Variants in EPS15 observed in about 807,000 individuals in gnomAD.
EPS15 encodes epidermal growth factor receptor substrate 15.
A neutral mutation model predicts 113.8 loss-of-function variants in EPS15; 72 were observed. The ratio of observed to expected loss-of-function variants is 0.63; its 90% CI spans 0.52 to 0.77. The LOEUF (loss-of-function observed/expected upper bound fraction) is 0.77, where lower values mean the gene tolerates loss of function less well. Among genes scored for constraint, EPS15 ranks in the 30% least tolerant of loss-of-function variants. The pLI, the probability that EPS15 is intolerant of heterozygous loss-of-function variation, is 0.00. For synonymous variants in EPS15, 344 were observed against 363.4 expected (o/e 0.95, Z 0.61); for missense variants, 1,048 against 1,045.8 (o/e 1.00, Z -0.03).
chr1:51,402,100 G>A (rs555386055), intron 18 of EPS15, among the ~76,000 whole-genome samples: 3 of 152,306 alleles, frequency 2.0e-5, no homozygotes, highest in Non-Finnish European at 4.4e-5. Flanking sequence ...TTGTGCCACT[G>A]CACTCCAGCC....
chr1:51,429,800 G>C (rs1187698515), intron 12 of EPS15, among the ~76,000 whole-genome samples: 2 of 151,934 alleles, frequency 1.3e-5, no homozygotes, highest in African/African-American at 4.8e-5. Context: ...ACAGGCATCC[G>C]CCACCACGCC....
rs144786749 is a variant in EPS15 at position 51,467,559 on chromosome 1, G to T, written c.309+914C>A. ...AAAACTTAATAAGCTACTTATAAAAGGTATAGAATTATGTGCATAGCAGGA... is the reference window on the plus strand; with the variant it reads ...AAAACTTAATAAGCTACTTATAAAATGTATAGAATTATGTGCATAGCAGGA... On this transcript the variant is annotated intron_variant, in intron 5 of 24. Coordinates refer to ENST00000371733, the MANE Select transcript of EPS15 (RefSeq NM_001981.3). 1.1e-3 allele frequency among the ~76,000 whole-genome samples: 163 copies of T among 152,246 alleles called. 1 individual carries two copies. The highest frequency in any genetic ancestry group is 3.9e-3 in the African/African-American group (161 of 41,542).
chr1:51,443,368 G>A (rs773451427), intron 11 of EPS15, among the ~76,000 whole-genome samples: 14 of 151,376 alleles, frequency 9.2e-5, no homozygotes, highest in South Asian at 2.1e-4. Flanking sequence ...CCATAACTGA[G>A]GTACAGTTAT....
chr1:51,377,129 G>A lies in EPS15; in HGVS notation c.2120-11100C>T, dbSNP rs144181687. Among the ~76,000 whole-genome samples the A allele has an allele frequency of 7.0e-3, 1,067 of 152,232 alleles. 7 individuals carry two copies. The highest frequency in any genetic ancestry group is 0.025 in the African/African-American group (1,022 of 41,546). ...TAAAAATACAAAAAATTAGCTGAGC[G>A]TGGTGGCGGGCGTAATCTCAGCTAC... On this transcript the variant is annotated intron_variant, in intron 21 of 24. Coordinates refer to ENST00000371733, the MANE Select transcript of EPS15 (RefSeq NM_001981.3).
chr1:51,509,575 C>T (rs1644582640), intron 1 of EPS15, among the ~76,000 whole-genome samples: 1 of 152,206 alleles, frequency 6.6e-6, no homozygotes, highest in East Asian at 1.9e-4. Context: ...TTATCTTTAG[C>T]AATACAATAC....
At chr1:51,401,030 C>T in intron 18 of EPS15, 77 bp from the exon 19 acceptor site, 1 of 899,156 alleles carries the variant, frequency 1.1e-6, no homozygotes, top group Non-Finnish European at 1.7e-6. Context: ...GAGTAACTTT[C>T]AAACAAAAGC....
rs529243716 is a variant in EPS15 at position 51,423,290 on chromosome 1, G to A, written c.1041-1432C>T. On this transcript the variant is annotated intron_variant, in intron 12 of 24. Transcript: ENST00000371733. ...ACCATGAGAATCATTGTTGCAGCCC[G>A]ATCCTTCCATACCTCAACCTATTTA... is the stretch of plus-strand genomic sequence containing the variant. 33 of 1,286,658 alleles carry A rather than the reference G, an allele frequency of 2.6e-5. No homozygotes were observed. The East Asian group carries it at 5.0e-4, about 19-fold the overall frequency. The allele number at this position is 1,286,658 out of a possible 1,614,324, so 79.7% of individuals were successfully genotyped here.
chr1:51,431,194 A>G (rs191445484), intron 12 of EPS15, among the ~76,000 whole-genome samples: 3 of 152,162 alleles, frequency 2.0e-5, no homozygotes, highest in African/African-American at 7.2e-5. Flanking sequence ...ATTAAAGATA[A>G]ATTCTGTGAA....
chr1:51,518,697 G>C (rs1266694887), intron 1 of EPS15, among the ~76,000 whole-genome samples: 2 of 152,142 alleles, frequency 1.3e-5, no homozygotes, highest in African/African-American at 2.4e-5. Context: ...GACTGGCTTG[G>C]GGGGCCTGCG....
At chr1:51,422,175 A>G (rs1283637104) in intron 12 of EPS15, 19 of 498,042 alleles carry the variant, frequency 3.8e-5, no homozygotes, top group Non-Finnish European at 5.1e-5. Context: ...ATAGTGTCCA[A>G]TGAAAATTGC....
Position 51,421,818 on chromosome 1 carries a change from C to T in EPS15, c.1081G>A (p.Asp361Asn), listed in dbSNP as rs1219517404. Residue 361 changes from aspartate (D) to asparagine (N), a missense_variant, in exon 13 of 25, where the codon GAT becomes AAT. By Grantham distance (23) the Asp-to-Asn change is conservative (BLOSUM62 1). Coordinates refer to ENST00000371733, the MANE Select transcript of EPS15 (RefSeq NM_001981.3). ...NVEQDLKEKE[D>N]TIKQRTSEVQ... ...TCACTTGTCCTCTGTTTAATAGTATCTTCCTTCTCCTTAAGGTCCTGTTCC... is the reference window on the plus strand; with the variant it reads ...TCACTTGTCCTCTGTTTAATAGTATTTTCCTTCTCCTTAAGGTCCTGTTCC... 1 of 1,607,752 alleles carries T rather than the reference C, an allele frequency of 6.2e-7. No homozygotes were observed. Among genetic ancestry groups the T allele is most frequent in the Non-Finnish European group, 8.5e-7 (1 of 1,176,630 alleles).
chr1:51,415,584 G>C (rs912767184), intron 13 of EPS15, among the ~76,000 whole-genome samples: 2 of 151,644 alleles, frequency 1.3e-5, no homozygotes, highest in Non-Finnish European at 2.9e-5. Flanking sequence ...ATCACCTGAG[G>C]TCAGAAGTTC....
chr1:51,403,660 C>T, intron 16 of EPS15, 128 bp from the exon 17 acceptor site: 1 of 522,054 alleles, frequency 1.9e-6, no homozygotes, highest in East Asian at 3.3e-5. Context: ...CAAATAACTT[C>T]TCCTTCTATA....
rs764634078 is a variant in EPS15, at chr1:51,394,432, G to C, written c.2068C>G (p.His690Asp). ...SSITSVETLK[H>D]NDPFAPGGTV... is the part of the protein sequence containing the mutation. ...CCACCAGGAGCAAAAGGATCATTGTGCTTCAACGTTTCTACCTAAACAAAG... is the reference window on the plus strand; with the variant it reads ...CCACCAGGAGCAAAAGGATCATTGTCCTTCAACGTTTCTACCTAAACAAAG... The change falls in exon 21 of 25, where the codon CAC (histidine) becomes GAC (aspartate). Residue 690 changes from histidine to aspartate, a missense_variant. By Grantham distance (81) the His-to-Asp change is moderately conservative. Coordinates refer to ENST00000371733, the MANE Select transcript of EPS15 (RefSeq NM_001981.3). The C allele has an allele frequency of 7.5e-6, 12 of 1,602,098 alleles. No homozygotes were observed. The Admixed American group carries it at 2.0e-4, about 27-fold the overall frequency.
At chr1:51,438,521 C>T (rs1149788) in intron 12 of EPS15, among the ~76,000 whole-genome samples, 4,871 of 152,204 alleles carry the variant, frequency 0.032, 106 homozygotes, top group Non-Finnish European at 0.048. Context: ...AACAAGTACA[C>T]TTGAAGTCAA....
At chr1:51,502,691 A>C (rs1644433456) in intron 1 of EPS15, among the ~76,000 whole-genome samples, 1 of 152,320 alleles carries the variant, frequency 6.6e-6, no homozygotes, top group South Asian at 2.1e-4. Flanking sequence ...TCCAACGAAG[A>C]ATCTGTAAAT....
chr1:51,396,875 T>C (rs921996739), intron 20 of EPS15, among the ~76,000 whole-genome samples: 1 of 151,896 alleles, frequency 6.6e-6, no homozygotes, highest in African/African-American at 2.4e-5. Context: ...ACCAACTTAA[T>C]CTATCTTTTT....
intron 1 of EPS15, among the ~76,000 whole-genome samples, chr1:51,490,982 G>C (rs1324454428): frequency 2.0e-5 from 3 of 152,092 alleles, no homozygotes; most frequent in African/African-American, 7.2e-5. Flanking sequence ...GAGCCTCTCG[G>C]TACTACTTTT....
intron 12 of EPS15, chr1:51,423,308 C>T: frequency 7.8e-7 from 1 of 1,276,896 alleles, no homozygotes; most frequent in Non-Finnish European, 1.0e-6. Context: ...CATACCTCAA[C>T]CTATTTATCA....
Sources: gnomAD v4.1 joint callset for allele counts (sites outside exome capture counted in the v4.1 genomes callset) on GRCh38, gnomAD v4.1.1 for gene constraint, MANE v1.5 for transcripts, NCBI Gene and HGNC (gene_info 2026-07-23, HGNC 2026-07-21) for gene names.